ERCC3: variants seen among roughly 807,000 people sequenced by gnomAD.
The protein encoded by ERCC3 is general transcription and DNA repair factor IIH helicase/translocase subunit XPB.
ERCC3 carries 66 observed loss-of-function variants against 94.2 expected under a neutral mutation model. That is an observed-to-expected ratio of 0.70 (90% CI 0.57 to 0.86). The LOEUF is 0.86. Ranked by LOEUF, ERCC3 falls within the 40% of genes least tolerant of loss-of-function variation. The probability of loss-of-function intolerance (pLI) is 0.00; values close to 1 mark genes in which losing one functional copy is unlikely to be tolerated. For synonymous variants in ERCC3, 349 were observed against 369.1 expected (o/e 0.95, Z 0.63); for missense variants, 829 against 987.1 (o/e 0.84, Z 2.15).
chr2:127,294,093 C>T lies in ERCC3; in HGVS notation c.-12G>A, dbSNP rs2104784482. The stretch of plus-strand genomic sequence containing the variant: ...TCTCTTTTGCCCATGGCAGCTACAG[C>T]AGCAGAGAGAAGATGACCCCGCTCC... On this transcript the variant is annotated 5_prime_UTR_variant, in exon 1 of 15. Transcript: ENST00000285398. 6.2e-7 allele frequency: 1 copy of T among 1,607,210 alleles called. No individual in the cohort carries two copies. Among genetic ancestry groups the T allele is most frequent in the Non-Finnish European group, 8.5e-7 (1 of 1,179,490 alleles).
intron 12 of ERCC3, among the ~76,000 whole-genome samples, chr2:127,263,470 T>C (rs1377456915): frequency 6.6e-6 from 1 of 152,206 alleles, no homozygotes; most frequent in Admixed American, 6.5e-5. Context: ...TGTACATTGA[T>C]TTTGAATTCC....
chr2:127,276,858 C>G (rs552634381), intron 10 of ERCC3, among the ~76,000 whole-genome samples: 54 of 152,188 alleles, frequency 3.5e-4, no homozygotes, highest in Admixed American at 6.5e-4. Flanking sequence ...ACAGCCACCA[C>G]AGCAGACAAC....
chr2:127,287,419 G>C (rs530147994), intron 7 of ERCC3, among the ~76,000 whole-genome samples: 21 of 152,144 alleles, frequency 1.4e-4, no homozygotes, highest in Admixed American at 1.2e-3. Flanking sequence ...GATCACATGA[G>C]GTCAGGAGTT....
Position 127,291,031 on chromosome 2 carries a change from A to G in ERCC3, c.472-758T>C. 1 of 152,494 alleles carries G rather than the reference A, an allele frequency of 6.6e-6. No homozygotes were observed. The highest frequency in any genetic ancestry group is 1.5e-5 in the Non-Finnish European group (1 of 68,236). The allele number at this position is 152,494 out of a possible 1,614,324, so 9.4% of individuals were successfully genotyped here. A position where few individuals can be genotyped will look rare whatever the true frequency, so the allele number is the denominator to read the frequency against. On this transcript the variant is annotated intron_variant, in intron 3 of 14. Coordinates refer to ENST00000285398, the MANE Select transcript of ERCC3 (RefSeq NM_000122.2). The surrounding 1 kb of genome is among the most constrained non-coding windows in gnomAD (Gnocchi z 4.9). ...TGGGAGGTAGAGGTTGCAGTGAGCCAAGATCATGCCACTGCTATCCAGCCT... is the reference window on the plus strand; with the variant it reads ...TGGGAGGTAGAGGTTGCAGTGAGCCGAGATCATGCCACTGCTATCCAGCCT...
intron 8 of ERCC3, among the ~76,000 whole-genome samples, chr2:127,285,282 G>A (rs890299362): frequency 5.3e-5 from 8 of 152,208 alleles, no homozygotes; most frequent in Non-Finnish European, 8.8e-5. Context: ...CATGGTGGCC[G>A]AATGCAGTGG....
chr2:127,292,664 G>A lies in ERCC3; in HGVS notation c.417C>T (p.Tyr139=), dbSNP rs529637184. 2.1e-4 allele frequency: 336 copies of A among 1,614,050 alleles called. No homozygotes were observed. The highest frequency in any genetic ancestry group is 2.7e-4 in the Non-Finnish European group (321 of 1,180,026). The change falls in exon 3 of 15, where the codon TAC becomes TAT. Residue 139 remains tyrosine (Y), a synonymous_variant. Transcript: ENST00000285398. ...CTCCAGTCTTGCTGAGCTTCCTGAGGTACTCGGTGATGTCACTGGTTTGCA... is the reference window on the plus strand; with the variant it reads ...CTCCAGTCTTGCTGAGCTTCCTGAGATACTCGGTGATGTCACTGGTTTGCA... ...VGLQTSDITE[Y]LRKLSKTGVP... is the part of the protein sequence containing the mutation.
At position 127,280,379 on chromosome 2, in the gene ERCC3, G is replaced by A. The variant is rs1684869449; in HGVS notation, c.1527+68C>T. On this transcript the variant is annotated intron_variant, in intron 9 of 14. Transcript: ENST00000285398. The surrounding 1 kb of genome is among the most constrained non-coding windows in gnomAD (Gnocchi z 6.3). ...GACCTGTGTCTGCCCATGAGGAATCGATCTGATCACTCCCCTGCCCATAGG... is the reference window on the plus strand; with the variant it reads ...GACCTGTGTCTGCCCATGAGGAATCAATCTGATCACTCCCCTGCCCATAGG... 5.7e-6 allele frequency: 8 copies of A among 1,394,654 alleles called. No homozygotes were observed. The highest frequency in any genetic ancestry group is 2.5e-5 in the South Asian group (2 of 81,632). 86.4% of individuals were successfully genotyped at this position (1,394,654 alleles called of 1,614,324 possible). A position where few individuals can be genotyped will look rare whatever the true frequency, so the allele number is the denominator to read the frequency against.
chr2:127,275,186 G>A (rs1046373974), intron 10 of ERCC3, among the ~76,000 whole-genome samples: 2 of 152,016 alleles, frequency 1.3e-5, no homozygotes, highest in Non-Finnish European at 2.9e-5. Context: ...AGCAATGCCC[G>A]AGAGCCACAG....
At position 127,274,583 on chromosome 2, in the gene ERCC3, GCTGATGGCCT is replaced by G. The variant is rs1684674911; in HGVS notation, c.1731-1632_1731-1623del. Among the ~76,000 whole-genome samples the G allele has an allele frequency of 6.6e-6, 1 of 152,210 alleles. No individual in the cohort carries two copies. Among genetic ancestry groups the G allele is most frequent in the Non-Finnish European group, 1.5e-5 (1 of 68,044 alleles). On this transcript the variant is annotated intron_variant, in intron 10 of 14. Coordinates refer to ENST00000285398, the MANE Select transcript of ERCC3 (RefSeq NM_000122.2). This position sits in a 1 kb window ranked among gnomAD's most constrained non-coding sequence, Gnocchi z 4.0. Reference sequence around the variant, plus strand: ...AGGGCCTGGGCAGCTGCACACCCAGGCTGATGGCCTCTGATTAGCCCAGTCACAAGCTGCC... The same window carrying G: ...AGGGCCTGGGCAGCTGCACACCCAGGCTGATTAGCCCAGTCACAAGCTGCC...
chr2:127,287,688 C>G (rs1363905376), intron 7 of ERCC3, among the ~76,000 whole-genome samples: 1 of 152,122 alleles, frequency 6.6e-6, no homozygotes, highest in African/African-American at 2.4e-5. Flanking sequence ...TTACCTTGCC[C>G]ACAGCCACGG....
At chr2:127,278,498 T>TA (rs1311467286) in intron 10 of ERCC3, among the ~76,000 whole-genome samples, 1 of 152,222 alleles carries the variant, frequency 6.6e-6, no homozygotes, top group Non-Finnish European at 1.5e-5. Context: ...AACAACATTT[T>TA]ATATGGCTGA....
In ERCC3 at chr2:127,259,563, T is replaced by G; in HGVS notation, c.2065-115A>C. 7.2e-7 allele frequency: 1 copy of G among 1,397,946 alleles called. No individual in the cohort carries two copies. The highest frequency in any genetic ancestry group is 2.3e-5 in the East Asian group (1 of 43,862). 86.6% of individuals were successfully genotyped at this position (1,397,946 alleles called of 1,614,324 possible). A position where few individuals can be genotyped will look rare whatever the true frequency, so the allele number is the denominator to read the frequency against. On this transcript the variant is annotated intron_variant, in intron 13 of 14. Coordinates refer to ENST00000285398, the MANE Select transcript of ERCC3 (RefSeq NM_000122.2). This position sits in a 1 kb window ranked among gnomAD's most constrained non-coding sequence, Gnocchi z 4.9. Reference sequence around the variant, plus strand: ...CTTCCCTCCCCAGGCCCAGCCACCCTGGTGGCCAACAATGGAGAGCTCCTC... The same window carrying G: ...CTTCCCTCCCCAGGCCCAGCCACCCGGGTGGCCAACAATGGAGAGCTCCTC...
rs987129824 is a variant in ERCC3 at position 127,274,983 on chromosome 2, A to G, written c.1731-2022T>C. On this transcript the variant is annotated intron_variant, in intron 10 of 14. Coordinates refer to ENST00000285398, the MANE Select transcript of ERCC3 (RefSeq NM_000122.2). This position sits in a 1 kb window ranked among gnomAD's most constrained non-coding sequence, Gnocchi z 4.0. ...CTCCATGTGACCGAAGTACAAAAGG[A>G]GTTCAGAGGTAAACAACTTTCCCAC... Among the ~76,000 whole-genome samples the G allele has an allele frequency of 6.6e-6, 1 of 152,198 alleles. No homozygotes were observed. The highest frequency in any genetic ancestry group is 1.5e-5 in the Non-Finnish European group (1 of 68,038).
chr2:127,293,997 C>T (rs1558965850), intron 1 of ERCC3, 57 bp downstream of exon 1: 5 of 1,590,030 alleles, frequency 3.1e-6, no homozygotes, highest in African/African-American at 1.3e-5. Context: ...CGAGGCAGAG[C>T]GGGGGGCAGG....
chr2:127,279,470 A>C lies in ERCC3; in HGVS notation c.1528-95T>G, dbSNP rs922389207. 6.0e-6 allele frequency: 6 copies of C among 992,672 alleles called. No homozygotes were observed. In the Admixed American group the frequency reaches 1.1e-4, roughly 18 times the overall value. 61.5% of individuals were successfully genotyped at this position (992,672 alleles called of 1,614,324 possible). A position where few individuals can be genotyped will look rare whatever the true frequency, so the allele number is the denominator to read the frequency against. ...CCTTTCTCTAGCAGAATTAGCTTTA[A>C]AACAAAACCAGTCAGGTGCAGTGGC... On this transcript the variant is annotated intron_variant, in intron 9 of 14. Transcript: ENST00000285398. The surrounding 1 kb of genome is among the most constrained non-coding windows in gnomAD (Gnocchi z 4.7).
chr2:127,272,098 C>A (rs1263646620), intron 11 of ERCC3, among the ~76,000 whole-genome samples: 1 of 137,376 alleles, frequency 7.3e-6, no homozygotes, highest in Admixed American at 8.1e-5. Flanking sequence ...AGCTCCACTG[C>A]AACCTCCACC....
At chr2:127,287,891 G>C (rs1685132096) in intron 7 of ERCC3, among the ~76,000 whole-genome samples, 1 of 152,048 alleles carries the variant, frequency 6.6e-6, no homozygotes, top group Admixed American at 6.5e-5. Flanking sequence ...GAAAAATCAA[G>C]CTTTTCCATT....
At chr2:127,283,765 T>C (rs1353446934) in intron 8 of ERCC3, among the ~76,000 whole-genome samples, 1 of 152,268 alleles carries the variant, frequency 6.6e-6, no homozygotes, top group African/African-American at 2.4e-5. Flanking sequence ...AACTGGCATA[T>C]GGGAGCATCC....
chr2:127,261,138 C>T (rs1405647642), intron 13 of ERCC3, 90 bp downstream of exon 13: 1 of 800,072 alleles, frequency 1.2e-6, no homozygotes, highest in East Asian at 2.4e-5. Flanking sequence ...TTGGTGCCTG[C>T]CTGCTGACAG....
Sources: allele counts gnomAD v4.1 joint callset (sites outside exome capture counted in the v4.1 genomes callset), GRCh38; gene constraint gnomAD v4.1.1; non-coding constraint Gnocchi (gnomAD v3.1); transcripts MANE v1.5; gene names NCBI Gene and HGNC (gene_info 2026-07-23, HGNC 2026-07-21).